RPS6KC1: variants seen among roughly 807,000 people sequenced by gnomAD.
The protein encoded by RPS6KC1 is ribosomal protein S6 kinase C1.
In RPS6KC1, 54 loss-of-function variants were observed where a neutral mutation model predicts 103.8. The observed-to-expected ratio is 0.52, with a 90% CI of 0.42 to 0.65. RPS6KC1 has a LOEUF of 0.65. Among genes scored for constraint, RPS6KC1 ranks in the 30% least tolerant of loss-of-function variants. The probability of loss-of-function intolerance (pLI) is 0.00; values close to 1 mark genes in which losing one functional copy is unlikely to be tolerated. For missense variants in RPS6KC1, 1,151 were observed against 1,253.8 expected (o/e 0.92, Z 1.24); for synonymous variants, 439 against 438.7 (o/e 1.00, Z -0.01).
chr1:213,658,068 GA>G, the RPS6KC1 span, among the ~76,000 whole-genome samples: 160 of 152,332 alleles, frequency 1.1e-3, no homozygotes, highest in Non-Finnish European at 1.6e-3. Flanking sequence ...CACCTGTAGG[GA>G]GGAAATGAAT....
the RPS6KC1 span, among the ~76,000 whole-genome samples, chr1:213,834,688 TCAAA>T: frequency 6.7e-6 from 1 of 150,370 alleles, no homozygotes; most frequent in African/African-American, 2.5e-5. Context: ...AGAGCCCTTC[TCAAA>T]CACACACACA....
At chr1:213,333,163 C>T in the RPS6KC1 span, among the ~76,000 whole-genome samples, 171 of 152,268 alleles carry the variant, frequency 1.1e-3, no homozygotes, top group Middle Eastern at 3.4e-3. Context: ...ATAGCTATTC[C>T]GGCATTTCTC....
chr1:213,815,047 G>C, the RPS6KC1 span, among the ~76,000 whole-genome samples: 1 of 152,162 alleles, frequency 6.6e-6, no homozygotes, highest in Non-Finnish European at 1.5e-5. Context: ...ATGGGAGGGA[G>C]CCATTGGGGG....
chr1:213,328,376 A>G, the RPS6KC1 span, among the ~76,000 whole-genome samples: 2 of 151,576 alleles, frequency 1.3e-5, no homozygotes, highest in African/African-American at 2.4e-5. Context: ...TGCCCAATTT[A>G]CCTTTCTAAG....
chr1:213,525,148 G>T, the RPS6KC1 span, among the ~76,000 whole-genome samples: 1 of 152,168 alleles, frequency 6.6e-6, no homozygotes, highest in South Asian at 2.1e-4. Context: ...AAACTACTTA[G>T]AAGTGTATTG....
rs936346887 is a variant in RPS6KC1, at chr1:213,257,774, A to T, written c.2912-3784A>T. 2.1e-5 allele frequency among the ~76,000 whole-genome samples: 3 copies of T among 141,104 alleles called. No homozygotes were observed. In the East Asian group the frequency reaches 6.6e-4, roughly 31 times the overall value. 92.6% of individuals were successfully genotyped at this position (141,104 alleles called of 152,430 possible). A position where few individuals can be genotyped will look rare whatever the true frequency, so the allele number is the denominator to read the frequency against. On this transcript the variant is annotated intron_variant, in intron 12 of 14. Coordinates refer to ENST00000366960, the MANE Select transcript of RPS6KC1 (RefSeq NM_012424.6). ...CAGATAACTTTGGATCTTGAATTGT[A>T]AACAGGTAAAACTTTTTTTTTTTTT...
At chr1:213,831,406 A>C in the RPS6KC1 span, among the ~76,000 whole-genome samples, 1 of 152,334 alleles carries the variant, frequency 6.6e-6, no homozygotes. Context: ...AGGGGCCACA[A>C]GCCAAGGAAT....
the RPS6KC1 span, among the ~76,000 whole-genome samples, chr1:213,437,667 A>G: frequency 2.6e-5 from 4 of 151,592 alleles, no homozygotes; most frequent in African/African-American, 7.3e-5. Flanking sequence ...CACTATTCAG[A>G]TTTTTTATTT....
At chr1:213,634,238 A>G in the RPS6KC1 span, among the ~76,000 whole-genome samples, 2 of 152,204 alleles carry the variant, frequency 1.3e-5, no homozygotes, top group Non-Finnish European at 2.9e-5. Context: ...CCTAATAGCC[A>G]TCTACAGAAC....
chr1:213,279,347 A>C (rs750469020), downstream of RPS6KC1, among the ~76,000 whole-genome samples: 2 of 152,130 alleles, frequency 1.3e-5, no homozygotes, highest in Non-Finnish European at 2.9e-5. Flanking sequence ...CTATCAAATA[A>C]TTGCTTTCCC....
chr1:213,827,301 G>A, the RPS6KC1 span, among the ~76,000 whole-genome samples: 1 of 152,302 alleles, frequency 6.6e-6, no homozygotes, highest in Non-Finnish European at 1.5e-5. Flanking sequence ...TTTCGTGCTG[G>A]AAGGATGGGG....
At position 213,273,638 on chromosome 1, in the gene RPS6KC1, T is replaced by C. The variant is rs940519875; in HGVS notation, c.*1004T>C. ...AGGATCTCATCTAAATGGAATTGAA[T>C]GGCAGTCCTAGTTTGTTACTTATGG... On this transcript the variant is annotated 3_prime_UTR_variant, in exon 15 of 15. Coordinates refer to ENST00000366960, the MANE Select transcript of RPS6KC1 (RefSeq NM_012424.6). The C allele has an allele frequency of 2.0e-5, 3 of 152,588 alleles. No individual in the cohort carries two copies. The highest frequency in any genetic ancestry group is 4.4e-5 in the Non-Finnish European group (3 of 68,052). 9.5% of individuals were successfully genotyped at this position (152,588 alleles called of 1,614,324 possible). A position where few individuals can be genotyped will look rare whatever the true frequency, so the allele number is the denominator to read the frequency against.
chr1:213,238,586 T>C (rs1395694427), intron 10 of RPS6KC1, among the ~76,000 whole-genome samples: 1 of 152,214 alleles, frequency 6.6e-6, no homozygotes, highest in Non-Finnish European at 1.5e-5. Context: ...AAGGATCTAG[T>C]CGTAGTTATA....
chr1:213,156,429 A>G (rs2089896335), intron 6 of RPS6KC1, among the ~76,000 whole-genome samples: 1 of 152,244 alleles, frequency 6.6e-6, no homozygotes, highest in South Asian at 2.1e-4. Context: ...AAATATTTGA[A>G]GAAATAATGC....
At chr1:213,462,025 A>G in the RPS6KC1 span, among the ~76,000 whole-genome samples, 1 of 152,228 alleles carries the variant, frequency 6.6e-6, no homozygotes, top group Admixed American at 6.5e-5. Flanking sequence ...TATCCATCTG[A>G]CAAAGGGCTA....
chr1:213,179,381 T>G (rs905823799), intron 8 of RPS6KC1, among the ~76,000 whole-genome samples: 2 of 151,158 alleles, frequency 1.3e-5, no homozygotes, highest in African/African-American at 4.9e-5. Context: ...CACCACTGCA[T>G]TCCAGCCTGG....
the RPS6KC1 span, among the ~76,000 whole-genome samples, chr1:213,561,213 T>C: frequency 6.6e-6 from 1 of 152,244 alleles, no homozygotes; most frequent in African/African-American, 2.4e-5. Context: ...TATAGAGTCT[T>C]TGAAGACTTT....
the RPS6KC1 span, among the ~76,000 whole-genome samples, chr1:213,554,530 T>A: frequency 1.3e-5 from 2 of 152,214 alleles, no homozygotes; most frequent in African/African-American, 4.8e-5. Context: ...CCAAATGAAT[T>A]TTAGAATTTT....
At chr1:213,649,853 GT>G in the RPS6KC1 span, among the ~76,000 whole-genome samples, 207 of 152,294 alleles carry the variant, frequency 1.4e-3, 1 homozygote, top group Non-Finnish European at 2.3e-3. Context: ...GCTGTTCATG[GT>G]GGCGGTGAGG....
Sources: allele counts gnomAD v4.1 joint callset (sites outside exome capture counted in the v4.1 genomes callset), GRCh38; gene constraint gnomAD v4.1.1; transcripts MANE v1.5; gene names NCBI Gene and HGNC (gene_info 2026-07-23, HGNC 2026-07-21).